Variants in TAFA4 observed in about 807,000 individuals in gnomAD.
The protein encoded by TAFA4 is chemokine-like protein TAFA-4.
Under a neutral mutation model 21.1 loss-of-function variants are expected in TAFA4, and 20 were observed. The ratio of observed to expected loss-of-function variants is 0.95; its 90% confidence interval spans 0.67 to 1.38. The LOEUF (loss-of-function observed/expected upper bound fraction) is 1.38, where lower values mean the gene tolerates loss of function less well. TAFA4 is among the 40% of genes most tolerant of loss of function. The pLI is 0.00. For synonymous variants in TAFA4, 71 were observed against 67.4 expected (o/e 1.05, Z -0.26); for missense variants, 211 against 180.9 (o/e 1.17, Z -0.95).
chr3:68,848,597 A>G (rs1704867558), intron 3 of TAFA4, among the ~76,000 whole-genome samples: 1 of 152,196 alleles, frequency 6.6e-6, no homozygotes, highest in South Asian at 2.1e-4. Context: ...CACTTGGATT[A>G]AAGGTATAAA....
chr3:68,867,937 G>A (rs1159216155), intron 3 of TAFA4, among the ~76,000 whole-genome samples: 4 of 152,046 alleles, frequency 2.6e-5, no homozygotes, highest in Non-Finnish European at 5.9e-5. Context: ...AAGGAAGAAA[G>A]AGAGGAGTCA....
intron 1 of TAFA4, among the ~76,000 whole-genome samples, chr3:68,917,734 A>G (rs1203660727): frequency 7.0e-6 from 1 of 142,258 alleles, no homozygotes; most frequent in Non-Finnish European, 1.5e-5. Flanking sequence ...AGCCTGGACG[A>G]CAGAGCGAGA....
intron 3 of TAFA4, among the ~76,000 whole-genome samples, chr3:68,754,212 A>G (rs12163536): frequency 0.12 from 18,400 of 152,246 alleles, 1,843 homozygotes; most frequent in East Asian, 0.49. Flanking sequence ...ACATGATACA[A>G]TGCTACTACG....
At chr3:68,753,166 T>C (rs1702591041) in intron 3 of TAFA4, 148 bp from the exon 4 acceptor site, 2 of 776,354 alleles carry the variant, frequency 2.6e-6, no homozygotes, top group African/African-American at 1.8e-5. Flanking sequence ...TAACATATTA[T>C]TTCAAATTTA....
intron 3 of TAFA4, among the ~76,000 whole-genome samples, chr3:68,769,499 TC>T (rs1407892273): frequency 6.6e-6 from 1 of 152,186 alleles, no homozygotes; most frequent in Non-Finnish European, 1.5e-5. Context: ...GGACCACTGT[TC>T]TACTGCACAG....
Position 68,880,747 on chromosome 3 carries a change from T to C in TAFA4, c.113A>G (p.His38Arg). Residue 38 changes from histidine to arginine, a missense_variant, in exon 3 of 6, where the codon CAC becomes CGC. Coordinates refer to ENST00000295569, the MANE Select transcript of TAFA4 (RefSeq NM_182522.5). The part of the protein sequence containing the change: ...CCKLMSASSQ[H>R]LRGHAGHHQI... ...GGGCTTACCTGCATGTCCCCGGAGG[T>C]GCTGGCTTGAGGCGGACATCAGCTT... 6.2e-7 allele frequency: 1 copy of C among 1,613,892 alleles called. No individual in the cohort carries two copies. Among genetic ancestry groups the C allele is most frequent in the Non-Finnish European group, 8.5e-7 (1 of 1,179,940 alleles).
chr3:68,893,362 T>C (rs542628560), intron 1 of TAFA4, among the ~76,000 whole-genome samples: 73 of 152,272 alleles, frequency 4.8e-4, no homozygotes, highest in African/African-American at 1.8e-3. Context: ...ATAACCAGAA[T>C]GTAAAGTTCT....
chr3:68,799,403 C>T (rs1703524064), intron 3 of TAFA4, among the ~76,000 whole-genome samples: 1 of 152,086 alleles, frequency 6.6e-6, no homozygotes. Context: ...GAGGCCCCTG[C>T]CCTCATGACC....
intron 3 of TAFA4, among the ~76,000 whole-genome samples, chr3:68,811,414 G>A (rs13097213): frequency 0.99 from 151,074 of 152,260 alleles, 74,960 homozygotes; most frequent in Middle Eastern, 1. Context: ...CAAAGAAGTT[G>A]AAAACCTTGA....
At chr3:68,862,258 C>T (rs1414932725) in intron 3 of TAFA4, among the ~76,000 whole-genome samples, 1 of 152,000 alleles carries the variant, frequency 6.6e-6, no homozygotes, top group African/African-American at 2.4e-5. Context: ...CATGGTGAAA[C>T]CTATGAACTT....
intron 3 of TAFA4, among the ~76,000 whole-genome samples, chr3:68,810,177 C>A (rs1580569): frequency 0.63 from 96,307 of 152,046 alleles, 31,228 homozygotes; most frequent in East Asian, 0.98. Flanking sequence ...GTGGACATTT[C>A]AACAATAGTA....
chr3:68,767,243 G>A (rs1416350780), intron 3 of TAFA4, among the ~76,000 whole-genome samples: 1 of 152,046 alleles, frequency 6.6e-6, no homozygotes, highest in Admixed American at 6.6e-5. Context: ...CAAAATAAAA[G>A]GGTAGAGTTA....
chr3:68,735,189 A>AGAAGGGGAAGT (rs6147873), intron 5 of TAFA4, among the ~76,000 whole-genome samples: 93,180 of 151,514 alleles, frequency 0.61, 29,563 homozygotes, highest in East Asian at 0.91. Context: ...GTGGAATTTT[A>AGAAGGGGAAGT]GAAGGGCAAG....
chr3:68,787,206 C>G (rs74617053), intron 3 of TAFA4, among the ~76,000 whole-genome samples: 17,773 of 152,086 alleles, frequency 0.12, 1,592 homozygotes, highest in African/African-American at 0.25. Context: ...ATCAATAAAG[C>G]TAATGTTAAG....
intron 3 of TAFA4, among the ~76,000 whole-genome samples, chr3:68,802,964 A>C (rs1432431765): frequency 6.6e-6 from 1 of 152,164 alleles, no homozygotes; most frequent in East Asian, 1.9e-4. Context: ...GCTTACAGGG[A>C]TGCTGAGCTG....
At chr3:68,794,177 A>G (rs1383906439) in intron 3 of TAFA4, among the ~76,000 whole-genome samples, 1 of 152,228 alleles carries the variant, frequency 6.6e-6, no homozygotes, top group Non-Finnish European at 1.5e-5. Context: ...CATGGAATTC[A>G]TGTTTTAAGG....
At chr3:68,774,462 C>T (rs1703015664) in intron 3 of TAFA4, among the ~76,000 whole-genome samples, 1 of 152,160 alleles carries the variant, frequency 6.6e-6, no homozygotes, top group South Asian at 2.1e-4. Flanking sequence ...TCTCTAGTCT[C>T]AAGCAACATC....
At chr3:68,917,404 G>T (rs1042144205) in intron 1 of TAFA4, among the ~76,000 whole-genome samples, 1 of 152,066 alleles carries the variant, frequency 6.6e-6, no homozygotes, top group Non-Finnish European at 1.5e-5. Flanking sequence ...CATCATCCAA[G>T]CTCAAAGCAG....
intron 5 of TAFA4, among the ~76,000 whole-genome samples, chr3:68,738,156 T>C (rs1702277044): frequency 6.6e-6 from 1 of 152,072 alleles, no homozygotes; most frequent in African/African-American, 2.4e-5. Context: ...GAAAAAATGA[T>C]GATTAGCCAG....
Sources: allele counts gnomAD v4.1 joint callset (sites outside exome capture counted in the v4.1 genomes callset), GRCh38; gene constraint gnomAD v4.1.1; transcripts MANE v1.5; gene names NCBI Gene and HGNC (gene_info 2026-07-23, HGNC 2026-07-21).